ADAMTS6: variants seen among roughly 807,000 people sequenced by gnomAD.
The protein encoded by ADAMTS6 is ADAM metallopeptidase with thrombospondin type 1 motif 6, also known as A disintegrin and metalloproteinase with thrombospondin motifs 6.
Under a neutral mutation model 144.3 loss-of-function variants are expected in ADAMTS6, and 23 were observed. The observed-to-expected ratio is 0.16, with a 90% confidence interval of 0.11 to 0.23. The LOEUF is 0.23. Among genes scored for constraint, ADAMTS6 ranks in the 10% least tolerant of loss-of-function variants. ADAMTS6 has a pLI of 1.00. For synonymous variants in ADAMTS6, 444 were observed against 457.5 expected (o/e 0.97, Z 0.38); for missense variants, 999 against 1,379.6 (o/e 0.72, Z 4.37).
At chr5:65,397,142 C>A (rs545154030) in intron 7 of ADAMTS6, among the ~76,000 whole-genome samples, 1 of 152,242 alleles carries the variant, frequency 6.6e-6, no homozygotes, top group South Asian at 2.1e-4. Flanking sequence ...TCATAGCATT[C>A]CATTATAACA....
At chr5:65,170,841 A>G (rs1579950565) in intron 23 of ADAMTS6, 68 bp from the exon 24 acceptor site, 3 of 1,502,900 alleles carry the variant, frequency 2.0e-6, no homozygotes, top group Middle Eastern at 3.5e-4. Context: ...AAAATATACT[A>G]TGTCATTTCA....
At chr5:65,315,243 G>A (rs1266751821) in intron 9 of ADAMTS6, among the ~76,000 whole-genome samples, 1 of 151,802 alleles carries the variant, frequency 6.6e-6, no homozygotes. Flanking sequence ...GCTATTTGAA[G>A]GCAGACTTAG....
At chr5:65,241,227 C>CTT (rs58991614) in intron 15 of ADAMTS6, among the ~76,000 whole-genome samples, 116 of 116,266 alleles carry the variant, frequency 1.0e-3, no homozygotes, top group African/African-American at 1.4e-3. Context: ...AGTATATTTC[C>CTT]TTTTTTTTTT....
chr5:65,402,503 C>T (rs975324133), intron 7 of ADAMTS6, among the ~76,000 whole-genome samples: 2 of 152,106 alleles, frequency 1.3e-5, no homozygotes, highest in African/African-American at 4.8e-5. Flanking sequence ...CTCCTCAAAT[C>T]TATAACATCA....
At chr5:65,343,734 T>G (rs1314929883) in intron 7 of ADAMTS6, among the ~76,000 whole-genome samples, 3 of 151,758 alleles carry the variant, frequency 2.0e-5, no homozygotes, top group Admixed American at 2.0e-4. Context: ...CAGAGCAAAA[T>G]AAGCAATCAA....
rs1760407925 is a variant in ADAMTS6, at chr5:65,471,224, T to C, written c.98-82A>G. ...TTAACGGAACAAAGAAGCAGCAATA[T>C]AAACAACAACTATGTCAATTAAAAC... On this transcript the variant is annotated intron_variant, in intron 2 of 24. Coordinates refer to ENST00000381055, the MANE Select transcript of ADAMTS6 (RefSeq NM_197941.4). 5.0e-6 allele frequency: 7 copies of C among 1,389,356 alleles called. No homozygotes were observed. The East Asian group carries it at 1.8e-4, about 35-fold the overall frequency. 86.1% of individuals were successfully genotyped at this position (1,389,356 alleles called of 1,614,324 possible).
At chr5:65,267,112 G>A (rs1761684182) in intron 12 of ADAMTS6, among the ~76,000 whole-genome samples, 1 of 140,172 alleles carries the variant, frequency 7.1e-6, no homozygotes, top group Non-Finnish European at 1.6e-5. Context: ...TGAGTGTTGT[G>A]CCATCTGTTT....
At chr5:65,421,338 T>C (rs954515690) in intron 7 of ADAMTS6, among the ~76,000 whole-genome samples, 2 of 152,214 alleles carry the variant, frequency 1.3e-5, no homozygotes, top group African/African-American at 4.8e-5. Flanking sequence ...TTAGTTTTGC[T>C]GGATACAAAA....
At chr5:65,230,025 AC>A (rs953111055) in intron 15 of ADAMTS6, among the ~76,000 whole-genome samples, 65 of 152,118 alleles carry the variant, frequency 4.3e-4, no homozygotes, top group South Asian at 1.2e-3. Context: ...TTCATAACAT[AC>A]AAGGGAACTC....
chr5:65,329,474 G>C lies in ADAMTS6; in HGVS notation c.1127C>G (p.Ser376Cys). The change falls in exon 9 of 25, where the codon TCT becomes TGT. Residue 376 changes from serine to cysteine, a missense_variant. Physicochemically the swap from Ser to Cys is moderately radical, Grantham distance 112. Transcript: ENST00000381055. ...NKPCGTLGLA[S>C]VAGMCEPERS... ...TTCAGGCTCACACATTCCAGCCACA[G>C]AGGCCAAGCCTGAATAAACAGAAAG... 6.2e-7 allele frequency: 1 copy of C among 1,612,030 alleles called. No homozygotes were observed. Among genetic ancestry groups the C allele is most frequent in the Non-Finnish European group, 8.5e-7 (1 of 1,178,946 alleles).
intron 7 of ADAMTS6, among the ~76,000 whole-genome samples, chr5:65,357,424 A>G (rs1481390249): frequency 2.0e-5 from 3 of 151,654 alleles, no homozygotes; most frequent in Non-Finnish European, 4.4e-5. Flanking sequence ...AAAAATGTCA[A>G]TAAAAACCAA....
At chr5:65,421,031 G>A (rs544966244) in intron 7 of ADAMTS6, among the ~76,000 whole-genome samples, 8 of 152,162 alleles carry the variant, frequency 5.3e-5, no homozygotes, top group Non-Finnish European at 1.2e-4. Context: ...GCCAATGTGT[G>A]TATCTTTTAA....
At chr5:65,290,361 G>A (rs1308391376) in intron 11 of ADAMTS6, among the ~76,000 whole-genome samples, 3 of 152,114 alleles carry the variant, frequency 2.0e-5, no homozygotes, top group Non-Finnish European at 4.4e-5. Flanking sequence ...GACCAGCCTG[G>A]CCAACATGGC....
chr5:65,380,201 A>G (rs1310832842), intron 7 of ADAMTS6, among the ~76,000 whole-genome samples: 1 of 152,156 alleles, frequency 6.6e-6, no homozygotes, highest in East Asian at 1.9e-4. Flanking sequence ...TTTTAAATTT[A>G]GTTATATATC....
chr5:65,188,532 A>G (rs1328499700), intron 21 of ADAMTS6, among the ~76,000 whole-genome samples: 1 of 152,204 alleles, frequency 6.6e-6, no homozygotes, highest in Non-Finnish European at 1.5e-5. Context: ...AATTGTCACG[A>G]GGGTTAAATA....
Position 65,170,636 on chromosome 5 carries a change from G to T in ADAMTS6, c.3225C>A (p.Thr1075=), listed in dbSNP as rs568774928. 6.2e-7 allele frequency: 1 copy of T among 1,614,000 alleles called. No individual in the cohort carries two copies. The highest frequency in any genetic ancestry group is 1.3e-5 in the African/African-American group (1 of 75,010). The change falls in exon 24 of 25, where the codon ACC becomes ACA. Residue 1075 remains threonine (T), a synonymous_variant. Transcript: ENST00000381055. ...ACTCACCTTCAGTATTAGAAATGGG[G>T]GTACTGTCACATTTGCTTTCACACT... ...MQQCESKCDS[T]PISNTEECKD...
chr5:65,304,746 TA>T (rs1182357176), intron 9 of ADAMTS6, among the ~76,000 whole-genome samples: 1 of 151,886 alleles, frequency 6.6e-6, no homozygotes, highest in Non-Finnish European at 1.5e-5. Context: ...GAGTGGATCT[TA>T]AAAACAGCAA....
At chr5:65,391,307 T>A (rs1048432455) in intron 7 of ADAMTS6, among the ~76,000 whole-genome samples, 2 of 152,074 alleles carry the variant, frequency 1.3e-5, no homozygotes, top group Admixed American at 1.3e-4. Flanking sequence ...TAAAATAAAG[T>A]TGCGAAAATG....
chr5:65,419,819 T>C (rs1033440508), intron 7 of ADAMTS6, among the ~76,000 whole-genome samples: 1 of 152,198 alleles, frequency 6.6e-6, no homozygotes, highest in Non-Finnish European at 1.5e-5. Flanking sequence ...AAATTAGTGG[T>C]TACCTAGGGC....
Sources: gnomAD v4.1 joint callset for allele counts (sites outside exome capture counted in the v4.1 genomes callset) on GRCh38, gnomAD v4.1.1 for gene constraint, MANE v1.5 for transcripts, NCBI Gene and HGNC (gene_info 2026-07-23, HGNC 2026-07-21) for gene names.